Variants in OPN5 observed in about 807,000 individuals in gnomAD.
OPN5 encodes opsin 5.
In OPN5, 18 loss-of-function variants were observed where a neutral mutation model predicts 41.7. The observed-to-expected ratio is 0.43, with a 90% confidence interval of 0.30 to 0.64. The LOEUF (loss-of-function observed/expected upper bound fraction) is 0.64. OPN5 is among the 30% of genes least tolerant of loss of function. The pLI is 0.13. For synonymous variants in OPN5, 178 were observed against 164.3 expected, an observed-to-expected ratio of 1.08 and a Z score of -0.64; for missense variants, 318 against 434.5, an observed-to-expected ratio of 0.73 and a Z score of 2.38.
chr6:47,791,782 C>A lies in OPN5; in HGVS notation c.251-20C>A. The A allele has an allele frequency of 1.2e-6, 2 of 1,611,782 alleles. No homozygotes were observed. Among genetic ancestry groups the A allele is most frequent in the South Asian group, 2.2e-5 (2 of 90,876 alleles). On this transcript the variant is annotated intron_variant, in intron 2 of 6. Transcript: ENST00000371211. ...TAGTAACCAGAGGAACGTCTGTTGA[C>A]AAGTCACTTGGTGCTCTAGTTGTAG...
At chr6:47,805,891 G>A (rs534314947) in intron 4 of OPN5, among the ~76,000 whole-genome samples, 5 of 152,134 alleles carry the variant, frequency 3.3e-5, no homozygotes, top group Non-Finnish European at 7.3e-5. Context: ...ACCTGGCATA[G>A]CTCCATCCTT....
chr6:47,815,173 C>T (rs900683225), intron 6 of OPN5, among the ~76,000 whole-genome samples: 4 of 152,050 alleles, frequency 2.6e-5, no homozygotes, highest in Admixed American at 6.6e-5. Flanking sequence ...GAATATATTT[C>T]ACAGTAAAAT....
intron 2 of OPN5, among the ~76,000 whole-genome samples, chr6:47,789,386 C>G (rs1015259747): frequency 6.6e-6 from 1 of 151,278 alleles, no homozygotes; most frequent in African/African-American, 2.4e-5. Context: ...CATACCACAT[C>G]TTATATTACA....
chr6:47,788,831 A>C lies in OPN5; in HGVS notation c.250+2197A>C, dbSNP rs1267585219. Among the ~76,000 whole-genome samples the C allele has an allele frequency of 2.6e-5, 4 of 151,628 alleles. No homozygotes were observed. The East Asian group carries it at 7.7e-4, about 29-fold the overall frequency. ...GGGGGGGGGCGGTGGTGGTGTTAAA[A>C]ATATGTATAATGCCTGAACTCACTC... On this transcript the variant is annotated intron_variant, in intron 2 of 6. Transcript: ENST00000371211.
At chr6:47,792,606 C>A (rs1773413391) in intron 3 of OPN5, among the ~76,000 whole-genome samples, 1 of 152,178 alleles carries the variant, frequency 6.6e-6, no homozygotes, top group Admixed American at 6.5e-5. Context: ...GACCATTCTA[C>A]AGGTTAAAAA....
At chr6:47,786,169 A>G (rs1219062940) in intron 1 of OPN5, among the ~76,000 whole-genome samples, 2 of 152,212 alleles carry the variant, frequency 1.3e-5, no homozygotes, top group Non-Finnish European at 2.9e-5. Context: ...AGGGAGTTCT[A>G]TAAAGCCAAT....
At chr6:47,787,846 A>G (rs1773238922) in intron 2 of OPN5, among the ~76,000 whole-genome samples, 1 of 152,200 alleles carries the variant, frequency 6.6e-6, no homozygotes, top group African/African-American at 2.4e-5. Context: ...GCAGTGAGCT[A>G]TGGTACTACC....
At chr6:47,810,221 C>T (rs569138118) in intron 5 of OPN5, among the ~76,000 whole-genome samples, 35 of 152,148 alleles carry the variant, frequency 2.3e-4, no homozygotes, top group Admixed American at 1.2e-3. Flanking sequence ...AAAAAGCAGG[C>T]GGTAGAGCTG....
intron 4 of OPN5, among the ~76,000 whole-genome samples, chr6:47,807,640 C>G (rs1349527167): frequency 1.3e-5 from 2 of 151,960 alleles, no homozygotes; most frequent in Non-Finnish European, 2.9e-5. Context: ...ATTTCCAGTA[C>G]CTGAGTCTCA....
At chr6:47,791,323 C>G (rs1389002271) in intron 2 of OPN5, among the ~76,000 whole-genome samples, 5 of 151,294 alleles carry the variant, frequency 3.3e-5, no homozygotes, top group Non-Finnish European at 2.9e-5. Context: ...TCTTAACAGA[C>G]TAGTGTGAGA....
chr6:47,788,318 C>T (rs1474454233), intron 2 of OPN5, among the ~76,000 whole-genome samples: 1 of 152,210 alleles, frequency 6.6e-6, no homozygotes, highest in East Asian at 1.9e-4. Context: ...CGTAACATGC[C>T]TGAATGAAAC....
At chr6:47,795,204 G>A (rs1340902486) in intron 3 of OPN5, 25 bp from the exon 4 acceptor site, 10 of 1,541,474 alleles carry the variant, frequency 6.5e-6, no homozygotes, top group Non-Finnish European at 8.8e-6. Flanking sequence ...ATTACATCCG[G>A]GTAATGCTTT....
intron 4 of OPN5, among the ~76,000 whole-genome samples, chr6:47,805,483 T>C (rs1348472944): frequency 6.6e-6 from 1 of 151,954 alleles, no homozygotes; most frequent in African/African-American, 2.4e-5. Flanking sequence ...CTGAAATTCT[T>C]GGGTAGAATT....
At chr6:47,785,904 C>T (rs1007498884) in intron 1 of OPN5, among the ~76,000 whole-genome samples, 2 of 152,154 alleles carry the variant, frequency 1.3e-5, no homozygotes, top group African/African-American at 4.8e-5. Context: ...GATATCTAGT[C>T]CAGTAGCAGC....
At chr6:47,811,653 T>C in intron 5 of OPN5, 21 bp from the exon 6 acceptor site, 1 of 1,591,982 alleles carries the variant, frequency 6.3e-7, no homozygotes, top group Non-Finnish European at 8.6e-7. Flanking sequence ...TTAAATTGCA[T>C]TTTTCTTCTC....
intron 3 of OPN5, 23 bp downstream of exon 3, chr6:47,791,995 C>T (rs910151708): frequency 1.1e-5 from 18 of 1,583,816 alleles, no homozygotes; most frequent in Admixed American, 3.3e-5. Flanking sequence ...GTTTCTCATT[C>T]CCTGACAGTT....
chr6:47,782,408 A>T (rs953903846), intron 1 of OPN5, among the ~76,000 whole-genome samples: 8 of 152,328 alleles, frequency 5.3e-5, no homozygotes, highest in Middle Eastern at 6.8e-3. Context: ...ATAAAATTCC[A>T]TTGATAATCC....
chr6:47,811,205 T>C (rs1278740178), intron 5 of OPN5, among the ~76,000 whole-genome samples: 1 of 152,158 alleles, frequency 6.6e-6, no homozygotes, highest in Non-Finnish European at 1.5e-5. Flanking sequence ...ATTGGGGGTA[T>C]GCAGTGAAGG....
chr6:47,799,229 C>CAA (rs771987558), intron 4 of OPN5, among the ~76,000 whole-genome samples: 22,249 of 150,968 alleles, frequency 0.15, 1,765 homozygotes, highest in Middle Eastern at 0.17. Context: ...CACACACACA[C>CAA]ACATGATATA....
Sources: allele counts gnomAD v4.1 joint callset (sites outside exome capture counted in the v4.1 genomes callset), GRCh38; gene constraint gnomAD v4.1.1; transcripts MANE v1.5; gene names NCBI Gene and HGNC (gene_info 2026-07-23, HGNC 2026-07-21).